The following ATRNL1 variants were observed in gnomAD, a reference collection of about 807,000 sequenced individuals.
ATRNL1 encodes attractin like 1, also known as attractin-like protein 1.
Under a neutral mutation model 182.7 loss-of-function variants are expected in ATRNL1, and 95 were observed. The observed-to-expected ratio is 0.52, with a 90% CI of 0.44 to 0.62. The LOEUF (loss-of-function observed/expected upper bound fraction) is 0.62, where lower values mean the gene tolerates loss of function less well. ATRNL1 is among the 20% of genes least tolerant of loss of function. ATRNL1 has a pLI of 0.00. For missense variants in ATRNL1, 1,471 were observed against 1,679.5 expected (o/e 0.88, Z 2.17); for synonymous variants, 576 against 568.3 (o/e 1.01, Z -0.19).
intron 5 of ATRNL1, among the ~76,000 whole-genome samples, chr10:115,140,874 T>C (rs1327214826): frequency 6.6e-6 from 1 of 152,136 alleles, no homozygotes; most frequent in African/African-American, 2.4e-5. Context: ...TTATTGTAAC[T>C]TACTCCAGTT....
intron 21 of ATRNL1, among the ~76,000 whole-genome samples, chr10:115,435,661 G>T (rs1554964696): frequency 6.6e-6 from 1 of 152,006 alleles, no homozygotes; most frequent in South Asian, 2.1e-4. Flanking sequence ...TATGGCTTTC[G>T]CATTTACTAC....
chr10:115,180,128 C>T (rs1480058044), intron 8 of ATRNL1, among the ~76,000 whole-genome samples: 1 of 151,800 alleles, frequency 6.6e-6, no homozygotes, highest in Non-Finnish European at 1.5e-5. Flanking sequence ...TTTTTAAAAG[C>T]CCATTTGCTG....
chr10:115,745,578 A>G (rs902704873), intron 27 of ATRNL1, among the ~76,000 whole-genome samples: 3 of 152,156 alleles, frequency 2.0e-5, no homozygotes, highest in Non-Finnish European at 4.4e-5. Flanking sequence ...ATTTCTCCCC[A>G]CAACACATGA....
rs369341602 is a variant in ATRNL1, at chr10:115,869,827, TATAAA to T, written c.4018+21839_4018+21843del. On this transcript the variant is annotated intron_variant, in intron 28 of 28. Coordinates refer to ENST00000355044, the MANE Select transcript of ATRNL1 (RefSeq NM_207303.4). The stretch of plus-strand genomic sequence containing the variant: ...TGTATTCTGCATTTTTGCTGAATGT[TATAAA>T]ATGAGTATTTCTCCATGTCATTAAA... Among the ~76,000 whole-genome samples the T allele has an allele frequency of 3.7e-3, 563 of 152,304 alleles. 4 individuals are homozygous for T. The highest frequency in any genetic ancestry group is 6.4e-3 in the Non-Finnish European group (435 of 68,026).
At chr10:115,665,466 C>T (rs937758301) in intron 26 of ATRNL1, among the ~76,000 whole-genome samples, 1 of 151,910 alleles carries the variant, frequency 6.6e-6, no homozygotes, top group Non-Finnish European at 1.5e-5. Flanking sequence ...TATTTATATG[C>T]ACCAATATTT....
chr10:115,947,857 T>C lies in ATRNL1; in HGVS notation c.*3078T>C, dbSNP rs41284364. The C allele has an allele frequency of 0.14, 21,885 of 152,182 alleles. 1,960 individuals carry two copies. Among genetic ancestry groups the C allele is most frequent in the Non-Finnish European group, 0.2 (13,765 of 67,994 alleles). 9.4% of individuals were successfully genotyped at this position (152,182 alleles called of 1,614,324 possible). On this transcript the variant is annotated 3_prime_UTR_variant, in exon 29 of 29. Coordinates refer to ENST00000355044, the MANE Select transcript of ATRNL1 (RefSeq NM_207303.4). Reference sequence around the variant, plus strand: ...AAGTTTCACCTTTGAAGCCTCAGCCTTCCATCTGTAAAGGGCGGTAATGGT... The same window carrying C: ...AAGTTTCACCTTTGAAGCCTCAGCCCTCCATCTGTAAAGGGCGGTAATGGT...
chr10:115,211,278 C>T (rs1849015180), intron 8 of ATRNL1, among the ~76,000 whole-genome samples: 2 of 149,914 alleles, frequency 1.3e-5, no homozygotes, highest in South Asian at 2.1e-4. Context: ...TTTTTTCCCT[C>T]TTAATTCCTG....
At chr10:115,928,801 G>A (rs1953311275) in intron 28 of ATRNL1, among the ~76,000 whole-genome samples, 1 of 151,914 alleles carries the variant, frequency 6.6e-6, no homozygotes. Context: ...TTGGTTCATA[G>A]GACTTAATCA....
chr10:115,703,515 A>G (rs915207095), intron 26 of ATRNL1, among the ~76,000 whole-genome samples: 3 of 151,890 alleles, frequency 2.0e-5, no homozygotes, highest in Admixed American at 6.6e-5. Context: ...CTGGAGTGAT[A>G]AGCAGGGAGA....
chr10:115,503,794 A>G (rs961587928), intron 24 of ATRNL1, among the ~76,000 whole-genome samples: 3 of 151,890 alleles, frequency 2.0e-5, no homozygotes, highest in African/African-American at 7.2e-5. Context: ...TTTCTTAAAC[A>G]ACCAGTTATT....
intron 19 of ATRNL1, among the ~76,000 whole-genome samples, chr10:115,368,491 G>T (rs1488392663): frequency 1.3e-5 from 2 of 152,144 alleles, no homozygotes; most frequent in African/African-American, 2.4e-5. Flanking sequence ...CTTCTGCGTC[G>T]CTCACGCTGG....
At chr10:115,180,189 GA>G (rs1302742037) in intron 8 of ATRNL1, among the ~76,000 whole-genome samples, 1 of 151,476 alleles carries the variant, frequency 6.6e-6, no homozygotes, top group Admixed American at 6.6e-5. Context: ...AAAAATTGTT[GA>G]TTTTTTTCAA....
chr10:115,377,381 C>A (rs1284898986), intron 19 of ATRNL1, among the ~76,000 whole-genome samples: 1 of 152,118 alleles, frequency 6.6e-6, no homozygotes, highest in African/African-American at 2.4e-5. Flanking sequence ...ATGAGGCCTC[C>A]CCCGCCATGT....
intron 15 of ATRNL1, among the ~76,000 whole-genome samples, chr10:115,287,860 TTTCGCC>T (rs1460614220): frequency 6.6e-6 from 1 of 151,600 alleles, no homozygotes; most frequent in East Asian, 1.9e-4. Context: ...TATCCCTCCC[TTTCGCC>T]TTACTCTTCC....
intron 20 of ATRNL1, among the ~76,000 whole-genome samples, chr10:115,409,778 C>G (rs929278231): frequency 5.3e-5 from 8 of 152,134 alleles, no homozygotes; most frequent in African/African-American, 1.9e-4. Context: ...GCTAATATCC[C>G]TGATGAACAT....
intron 8 of ATRNL1, among the ~76,000 whole-genome samples, chr10:115,179,724 A>C (rs1220624344): frequency 6.6e-6 from 1 of 152,112 alleles, no homozygotes; most frequent in Non-Finnish European, 1.5e-5. Context: ...TTCACACTTT[A>C]TTAGTGGATA....
intron 20 of ATRNL1, among the ~76,000 whole-genome samples, chr10:115,418,450 G>A (rs1845502263): frequency 6.6e-6 from 1 of 152,122 alleles, no homozygotes; most frequent in Non-Finnish European, 1.5e-5. Context: ...AAGCTTACCA[G>A]ATCTGTGGGA....
chr10:115,220,798 T>G (rs1211632335), intron 9 of ATRNL1, among the ~76,000 whole-genome samples: 10 of 148,850 alleles, frequency 6.7e-5, no homozygotes, highest in Admixed American at 4.7e-4. Flanking sequence ...TCAAGCTTGC[T>G]ACCAGATGCG....
chr10:115,831,126 C>T (rs1555093553), intron 27 of ATRNL1, among the ~76,000 whole-genome samples: 1 of 152,124 alleles, frequency 6.6e-6, no homozygotes, highest in Admixed American at 6.5e-5. Flanking sequence ...CTTGTTCTTC[C>T]AGAAACACGG....
Sources: gnomAD v4.1 joint callset for allele counts (sites outside exome capture counted in the v4.1 genomes callset) on GRCh38, gnomAD v4.1.1 for gene constraint, MANE v1.5 for transcripts, NCBI Gene and HGNC (gene_info 2026-07-23, HGNC 2026-07-21) for gene names.